The following PPA2 variants were observed in gnomAD, a reference collection of about 807,000 sequenced individuals.
The protein encoded by PPA2 is inorganic pyrophosphatase 2.
In PPA2, 48 loss-of-function variants were observed where a neutral mutation model predicts 49.5. The ratio of observed to expected loss-of-function variants is 0.97; its 90% CI spans 0.77 to 1.23. PPA2 has a LOEUF of 1.23. PPA2 is among the 50% of genes most tolerant of loss of function. The pLI is 0.00. For synonymous variants in PPA2, 131 were observed against 139.9 expected, an observed-to-expected ratio of 0.94 and a Z score of 0.45; for missense variants, 429 against 410.1, an observed-to-expected ratio of 1.05 and a Z score of -0.40.
chr4:105,389,523 G>T (rs1209773579), intron 9 of PPA2, among the ~76,000 whole-genome samples: 1 of 149,786 alleles, frequency 6.7e-6, no homozygotes, highest in African/African-American at 2.4e-5. Context: ...TATTCTAATT[G>T]TATAAATGTT....
At chr4:105,370,744 T>C (rs1241313089) in intron 11 of PPA2, 93 bp downstream of exon 11, 1 of 1,250,608 alleles carries the variant, frequency 8.0e-7, no homozygotes, top group Non-Finnish European at 1.0e-6. Flanking sequence ...TTTCAATTTA[T>C]CTATTTTATT....
Position 105,414,338 on chromosome 4 carries a change from C to T in PPA2, c.655+9858G>A, listed in dbSNP as rs988931132. The stretch of plus-strand genomic sequence containing the variant: ...CAGCTGTCGCTTTTCCAGCTGGAAA[C>T]CTCTGTGGCCAGTGGCGCCTTTTCC... On this transcript the variant is annotated intron_variant, in intron 7 of 11. Transcript: ENST00000341695. Among the ~76,000 whole-genome samples the T allele has an allele frequency of 4.6e-5, 7 of 152,238 alleles. No homozygotes were observed. In the East Asian group the frequency reaches 1.2e-3, roughly 25 times the overall value.
intron 1 of PPA2, among the ~76,000 whole-genome samples, chr4:105,458,818 CAAAA>C (rs57073135): frequency 1.3e-4 from 4 of 31,530 alleles, no homozygotes; most frequent in Non-Finnish European, 3.0e-4. Flanking sequence ...ACTCCACCTC[CAAAA>C]AAAAAAAAAA....
intron 9 of PPA2, among the ~76,000 whole-genome samples, chr4:105,386,854 AT>A (rs1048238279): frequency 1.2e-4 from 18 of 152,284 alleles, no homozygotes; most frequent in Admixed American, 5.2e-4. Flanking sequence ...ACTCTCCAGA[AT>A]GATAAAAGAT....
At chr4:105,391,517 G>A (rs928179228) in intron 9 of PPA2, among the ~76,000 whole-genome samples, 1 of 146,568 alleles carries the variant, frequency 6.8e-6, no homozygotes, top group African/African-American at 2.4e-5. Context: ...GAGTGCTGAG[G>A]TAAAAACTCA....
intron 9 of PPA2, among the ~76,000 whole-genome samples, chr4:105,387,401 C>T (rs1255550056): frequency 6.6e-6 from 1 of 151,992 alleles, no homozygotes; most frequent in East Asian, 1.9e-4. Flanking sequence ...TTAGCAGATA[C>T]CTAAAAGATA....
intron 2 of PPA2, among the ~76,000 whole-genome samples, chr4:105,454,185 T>A (rs1015785691): frequency 6.6e-6 from 1 of 152,208 alleles, no homozygotes; most frequent in Non-Finnish European, 1.5e-5. Flanking sequence ...CATTCACAAA[T>A]GCTCAACCAG....
intron 7 of PPA2, among the ~76,000 whole-genome samples, chr4:105,418,172 T>C (rs1324770051): frequency 6.6e-6 from 1 of 152,238 alleles, no homozygotes; most frequent in Admixed American, 6.5e-5. Context: ...TCCAAGCCAG[T>C]ACATTCTGCT....
rs540537052 is a variant in PPA2 at position 105,393,428 on chromosome 4, G to C, written c.869+2821C>G. 3.3e-5 allele frequency among the ~76,000 whole-genome samples: 5 copies of C among 151,072 alleles called. No homozygotes were observed. In the South Asian group the frequency reaches 1.0e-3, roughly 32 times the overall value. ...AACTCTGGGAGGTCAAGGCTGCAAT[G>C]AGTCATGTTCGCGCCCCTGCACTCC... On this transcript the variant is annotated intron_variant, in intron 9 of 11. Coordinates refer to ENST00000341695, the MANE Select transcript of PPA2 (RefSeq NM_176869.3).
At chr4:105,412,905 C>T (rs1266487285) in intron 7 of PPA2, among the ~76,000 whole-genome samples, 2 of 152,194 alleles carry the variant, frequency 1.3e-5, no homozygotes, top group Admixed American at 1.3e-4. Flanking sequence ...TTAGTTCAAC[C>T]ATTGCAGAAG....
chr4:105,439,175 A>G (rs1354736008), intron 5 of PPA2, among the ~76,000 whole-genome samples: 1 of 152,206 alleles, frequency 6.6e-6, no homozygotes, highest in African/African-American at 2.4e-5. Flanking sequence ...ACATATATAC[A>G]TACATACCAC....
At chr4:105,394,258 T>C (rs1734041133) in intron 9 of PPA2, among the ~76,000 whole-genome samples, 1 of 151,568 alleles carries the variant, frequency 6.6e-6, no homozygotes, top group African/African-American at 2.4e-5. Context: ...TCCCAGCTAC[T>C]TGAGAGGCTG....
At chr4:105,390,465 G>GAA (rs34223568) in intron 9 of PPA2, among the ~76,000 whole-genome samples, 4 of 149,182 alleles carry the variant, frequency 2.7e-5, no homozygotes, top group Middle Eastern at 3.5e-3. Context: ...AAATTTACAA[G>GAA]AAAAAAAAAA....
chr4:105,378,177 T>C (rs1156948467), intron 10 of PPA2, among the ~76,000 whole-genome samples: 2 of 152,166 alleles, frequency 1.3e-5, no homozygotes, highest in East Asian at 1.9e-4. Context: ...TAAATGAGAA[T>C]TGTAGTTCCT....
At chr4:105,436,751 G>A (rs938865711) in intron 6 of PPA2, among the ~76,000 whole-genome samples, 1 of 152,102 alleles carries the variant, frequency 6.6e-6, no homozygotes, top group Non-Finnish European at 1.5e-5. Context: ...ATGGTACTGG[G>A]AAAACTGGCT....
chr4:105,445,537 T>C (rs776219990), intron 5 of PPA2, among the ~76,000 whole-genome samples: 4 of 152,160 alleles, frequency 2.6e-5, no homozygotes, highest in Non-Finnish European at 5.9e-5. Context: ...CAGCTGCTTT[T>C]TCATGTTGGA....
intron 2 of PPA2, among the ~76,000 whole-genome samples, chr4:105,455,498 C>G (rs540848437): frequency 7.9e-5 from 12 of 152,084 alleles, no homozygotes; most frequent in African/African-American, 2.9e-4. Context: ...CCAAAACACA[C>G]GAGATTTGTG....
intron 1 of PPA2, among the ~76,000 whole-genome samples, chr4:105,459,307 T>C (rs1722993175): frequency 6.6e-6 from 1 of 152,312 alleles, no homozygotes; most frequent in African/African-American, 2.4e-5. Flanking sequence ...TTACATCAGA[T>C]TTCAAATTCT....
chr4:105,412,998 A>G (rs2110253480), intron 7 of PPA2, among the ~76,000 whole-genome samples: 1 of 152,318 alleles, frequency 6.6e-6, no homozygotes, highest in Middle Eastern at 3.4e-3. Flanking sequence ...TACCCAAAGG[A>G]TTATAAATCA....
Sources: allele counts gnomAD v4.1 joint callset (sites outside exome capture counted in the v4.1 genomes callset), GRCh38; gene constraint gnomAD v4.1.1; transcripts MANE v1.5; gene names NCBI Gene and HGNC (gene_info 2026-07-23, HGNC 2026-07-21).